CHST9: variants seen among roughly 807,000 people sequenced by gnomAD.
The protein encoded by CHST9 is carbohydrate sulfotransferase 9.
In CHST9, 41 loss-of-function variants were observed where a neutral mutation model predicts 44.4. The observed-to-expected ratio is 0.92, with a 90% CI of 0.72 to 1.20. CHST9 has a LOEUF of 1.20. Ranked by LOEUF, CHST9 falls within the 50% of genes most tolerant of loss-of-function variation. The probability of loss-of-function intolerance (pLI) is 0.00; values close to 1 mark genes in which losing one functional copy is unlikely to be tolerated. For synonymous variants in CHST9, 171 were observed against 178.4 expected (o/e 0.96, Z 0.33); for missense variants, 504 against 516.5 (o/e 0.98, Z 0.23).
intron 4 of CHST9, among the ~76,000 whole-genome samples, chr18:27,001,276 T>C (rs2056949938): frequency 6.6e-6 from 1 of 152,092 alleles, no homozygotes; most frequent in South Asian, 2.1e-4. Context: ...GACATTAAAC[T>C]TGGTAGATTA....
chr18:27,033,325 C>G lies in CHST9; in HGVS notation c.161-9168G>C, dbSNP rs569686622. Among the ~76,000 whole-genome samples, 3 of 152,320 alleles carry G rather than the reference C, an allele frequency of 2.0e-5. No individual in the cohort carries two copies. In the South Asian group the frequency reaches 6.2e-4, roughly 32 times the overall value. ...ACAATCACCCAACCCAAATAATCAC[C>G]TGGATATACAGTGGTCTGTCCTTTA... is the stretch of plus-strand genomic sequence containing the variant. On this transcript the variant is annotated intron_variant, in intron 3 of 5. Transcript: ENST00000618847.
rs2058578016 is a variant in CHST9, at chr18:27,142,708, C to G, written c.102G>C (p.Trp34Cys). The G allele has an allele frequency of 6.2e-7, 1 of 1,608,280 alleles. No homozygotes were observed. Among genetic ancestry groups the G allele is most frequent in the South Asian group, 1.1e-5 (1 of 89,212 alleles). ...GLLLFMYLQV[W>C]IEEQHTGRVE... is the part of the protein sequence containing the mutation. ...TGTTACCTGTATGTTGTTCTTCAAT[C>G]CAGACTTGCAAATACATGAAGAGGA... is the stretch of plus-strand genomic sequence containing the variant. The change falls in exon 2 of 6, where the codon TGG becomes TGC. Residue 34 changes from tryptophan to cysteine, a missense_variant. Coordinates refer to ENST00000618847, the MANE Select transcript of CHST9 (RefSeq NM_031422.6).
chr18:26,921,396 A>T (rs1181467000), intron 5 of CHST9, among the ~76,000 whole-genome samples: 2 of 152,192 alleles, frequency 1.3e-5, no homozygotes, highest in Non-Finnish European at 2.9e-5. Context: ...AGTTTCCTCT[A>T]GTCTAACCAA....
At chr18:26,955,388 C>A (rs1301459770) in intron 4 of CHST9, among the ~76,000 whole-genome samples, 1 of 152,172 alleles carries the variant, frequency 6.6e-6, no homozygotes, top group Non-Finnish European at 1.5e-5. Flanking sequence ...CCACATTATA[C>A]TTGTCCTTTT....
intron 4 of CHST9, among the ~76,000 whole-genome samples, chr18:27,000,662 A>ATCTATCTATCTATCTC (rs1568127530): frequency 7.6e-6 from 1 of 131,588 alleles, no homozygotes; most frequent in African/African-American, 2.6e-5. Flanking sequence ...CTATCTCTCT[A>ATCTATCTATCTATCTC]TCTATCTATT....
At chr18:26,939,031 T>C (rs1325671545) in intron 5 of CHST9, among the ~76,000 whole-genome samples, 1 of 152,218 alleles carries the variant, frequency 6.6e-6, no homozygotes, top group Non-Finnish European at 1.5e-5. Flanking sequence ...CGAGTTCTTA[T>C]GATATGCAAG....
chr18:27,093,816 T>C (rs1223195780), intron 2 of CHST9, among the ~76,000 whole-genome samples: 1 of 151,714 alleles, frequency 6.6e-6, no homozygotes, highest in Non-Finnish European at 1.5e-5. Context: ...AAATCACCCA[T>C]CTTCTGTGTC....
In CHST9 at chr18:27,018,426, T is replaced by C. The variant is rs577847393; in HGVS notation, c.202+5690A>G. 9.2e-5 allele frequency among the ~76,000 whole-genome samples: 14 copies of C among 152,174 alleles called. No individual in the cohort carries two copies. In the South Asian group the frequency reaches 1.0e-3, roughly 11 times the overall value. On this transcript the variant is annotated intron_variant, in intron 4 of 5. Coordinates refer to ENST00000618847, the MANE Select transcript of CHST9 (RefSeq NM_031422.6). ...AATTATTTTCATACAAGAATAATCA[T>C]ATACAGCCCTTTCCCTACAAAAGAA...
chr18:27,002,219 C>CA (rs2056962237), intron 4 of CHST9, among the ~76,000 whole-genome samples: 1 of 149,366 alleles, frequency 6.7e-6, no homozygotes, highest in South Asian at 2.1e-4. Flanking sequence ...GAGGCCTGCA[C>CA]CATCCTTAAT....
intron 4 of CHST9, among the ~76,000 whole-genome samples, chr18:26,971,998 GTT>G (rs1568115435): frequency 6.6e-6 from 1 of 152,182 alleles, no homozygotes; most frequent in Non-Finnish European, 1.5e-5. Flanking sequence ...AAAAAGCAGA[GTT>G]TGGTGAGGAG....
intron 2 of CHST9, among the ~76,000 whole-genome samples, chr18:27,140,700 A>G (rs2058557346): frequency 6.6e-6 from 1 of 152,144 alleles, no homozygotes; most frequent in Non-Finnish European, 1.5e-5. Flanking sequence ...TTCATTCAAC[A>G]AAAACTTACT....
chr18:27,098,648 T>G (rs1023433670), intron 2 of CHST9, among the ~76,000 whole-genome samples: 16 of 152,260 alleles, frequency 1.1e-4, no homozygotes, highest in Non-Finnish European at 1.9e-4. Context: ...TCATTTCCTT[T>G]GCAGGAACAT....
rs1280268113 is a variant in CHST9, at chr18:26,971,728, AAAGC to A, written c.203-27366_203-27363del. On this transcript the variant is annotated intron_variant, in intron 4 of 5. Transcript: ENST00000618847. ...CCCTTCTGCTCACTTTCTATTGGCC[AAAGC>A]AAGTCACACAGCCACGCCCAGCTCG... 2.0e-5 allele frequency among the ~76,000 whole-genome samples: 3 copies of A among 152,276 alleles called. No homozygotes were observed. The East Asian group carries it at 5.8e-4, about 29-fold the overall frequency.
intron 2 of CHST9, among the ~76,000 whole-genome samples, chr18:27,087,802 C>G (rs1040341520): frequency 6.6e-6 from 1 of 152,134 alleles, no homozygotes; most frequent in East Asian, 1.9e-4. Context: ...AGTCCCCTAG[C>G]GAATGGCCTT....
chr18:27,045,660 T>C (rs925679105), intron 3 of CHST9, among the ~76,000 whole-genome samples: 4 of 152,030 alleles, frequency 2.6e-5, no homozygotes, highest in East Asian at 3.9e-4. Context: ...CCATATTCTA[T>C]GACTATGACA....
chr18:27,084,869 G>T (rs2057996083), intron 2 of CHST9, among the ~76,000 whole-genome samples: 1 of 151,968 alleles, frequency 6.6e-6, no homozygotes, highest in South Asian at 2.1e-4. Flanking sequence ...TAGTTTCAAA[G>T]AATTTCTTGA....
chr18:27,041,274 T>C (rs766544454), intron 3 of CHST9, among the ~76,000 whole-genome samples: 1 of 152,192 alleles, frequency 6.6e-6, no homozygotes, highest in Non-Finnish European at 1.5e-5. Flanking sequence ...TTGTGATTTG[T>C]GTTTGTAATA....
intron 2 of CHST9, among the ~76,000 whole-genome samples, chr18:27,100,809 A>G (rs1168426124): frequency 6.6e-6 from 1 of 152,220 alleles, no homozygotes; most frequent in Non-Finnish European, 1.5e-5. Flanking sequence ...ACAATTTTAG[A>G]TTTTTAAATA....
chr18:26,980,394 T>C (rs927684230), intron 4 of CHST9, among the ~76,000 whole-genome samples: 2 of 152,066 alleles, frequency 1.3e-5, no homozygotes, highest in South Asian at 2.1e-4. Flanking sequence ...TGAATGAAGA[T>C]AATAATGGCA....
Sources: allele counts gnomAD v4.1 joint callset (sites outside exome capture counted in the v4.1 genomes callset), GRCh38; gene constraint gnomAD v4.1.1; transcripts MANE v1.5; gene names NCBI Gene and HGNC (gene_info 2026-07-23, HGNC 2026-07-21).